Variants in CASD1 observed in about 807,000 individuals in gnomAD.
The protein encoded by CASD1 is CAS1 domain sialic acid O acetyltransferase 1.
Under a neutral mutation model 100.0 loss-of-function variants are expected in CASD1, and 41 were observed. The observed-to-expected ratio is 0.41, with a 90% CI of 0.32 to 0.53. The LOEUF is 0.53. Among genes scored for constraint, CASD1 ranks in the 20% least tolerant of loss-of-function variants. The pLI is 0.25. For synonymous variants in CASD1, 321 were observed against 315.6 expected (o/e 1.02, Z -0.18); for missense variants, 774 against 948.7 (o/e 0.82, Z 2.42).
chr7:94,515,709 A>G (rs1344138355), intron 1 of CASD1, among the ~76,000 whole-genome samples: 2 of 152,222 alleles, frequency 1.3e-5, no homozygotes, highest in African/African-American at 4.8e-5. Flanking sequence ...GACAAAAGGC[A>G]AATAACAACA....
In CASD1 at chr7:94,556,076, A is replaced by G. The variant is rs1181652479; in HGVS notation, c.*318A>G. On this transcript the variant is annotated 3_prime_UTR_variant, in exon 18 of 18. Coordinates refer to ENST00000297273, the MANE Select transcript of CASD1 (RefSeq NM_022900.5). ...AACATATGAAGGCAGGGAAATGATT[A>G]CCTTTCCAGTAAAAAGTATAGATAA... 1.5e-5 allele frequency: 3 copies of G among 199,144 alleles called. No individual in the cohort carries two copies. Among genetic ancestry groups the G allele is most frequent in the East Asian group, 2.4e-4 (2 of 8,310 alleles). 12.3% of individuals were successfully genotyped at this position (199,144 alleles called of 1,614,324 possible).
At chr7:94,587,515 C>T in the CASD1 span, 4 of 1,296,720 alleles carry the variant, frequency 3.1e-6, no homozygotes, top group East Asian at 3.2e-5. Context: ...TAGAAATTTT[C>T]CTTTTAAAAA....
intron 5 of CASD1, among the ~76,000 whole-genome samples, chr7:94,530,476 ATCTATTTTTTAACTACT>A (rs1483057796): frequency 6.6e-6 from 1 of 152,110 alleles, no homozygotes; most frequent in East Asian, 1.9e-4. Flanking sequence ...GATTTATTTT[ATCTATTTTTTAACTACT>A]TCTAAATACT....
chr7:94,600,974 A>G, the CASD1 span: 1 of 855,114 alleles, frequency 1.2e-6, no homozygotes, highest in Non-Finnish European at 1.9e-6. Flanking sequence ...CATCTTTTCC[A>G]ATTACTTTAT....
At chr7:94,613,516 T>G in the CASD1 span, among the ~76,000 whole-genome samples, 1 of 152,200 alleles carries the variant, frequency 6.6e-6, no homozygotes, top group African/African-American at 2.4e-5. Context: ...TTCAAAAGAC[T>G]AGAGACTGGA....
chr7:94,510,891 C>T (rs1286882916), intron 1 of CASD1, among the ~76,000 whole-genome samples: 1 of 152,128 alleles, frequency 6.6e-6, no homozygotes, highest in Admixed American at 6.5e-5. Flanking sequence ...AGTTAAGGCA[C>T]CAGAGCAGAT....
At chr7:94,596,693 G>C in the CASD1 span, among the ~76,000 whole-genome samples, 7 of 152,184 alleles carry the variant, frequency 4.6e-5, no homozygotes, top group East Asian at 1.4e-3. Flanking sequence ...TCTTAAAAGG[G>C]CATGCATTTC....
At chr7:94,599,368 A>T in the CASD1 span, 1 of 314,640 alleles carries the variant, frequency 3.2e-6, no homozygotes, top group East Asian at 6.2e-5. Flanking sequence ...TAGATTCTGG[A>T]AAACTTGTAT....
At chr7:94,578,823 G>C in the CASD1 span, among the ~76,000 whole-genome samples, 1 of 152,140 alleles carries the variant, frequency 6.6e-6, no homozygotes, top group East Asian at 1.9e-4. Context: ...CATTGCCTTT[G>C]GGTCTGTGCC....
At chr7:94,611,153 T>C in the CASD1 span, among the ~76,000 whole-genome samples, 1 of 152,160 alleles carries the variant, frequency 6.6e-6, no homozygotes. Flanking sequence ...AGGGATATAC[T>C]TCAGAAAAAT....
chr7:94,555,485 C>A lies in CASD1; in HGVS notation c.2128-7C>A. Reference sequence around the variant, plus strand: ...TAAATATCTGACTTAAATATTTTTTCTCCTAGCTATTTATTTGCCAGTATC... The same window carrying A: ...TAAATATCTGACTTAAATATTTTTTATCCTAGCTATTTATTTGCCAGTATC... On this transcript the variant is annotated splice_region_variant and splice_polypyrimidine_tract_variant and intron_variant, in intron 17 of 17. Coordinates refer to ENST00000297273, the MANE Select transcript of CASD1 (RefSeq NM_022900.5). 1 of 1,607,136 alleles carries A rather than the reference C, an allele frequency of 6.2e-7. No individual in the cohort carries two copies. Among genetic ancestry groups the A allele is most frequent in the South Asian group, 1.1e-5 (1 of 90,198 alleles).
chr7:94,609,008 G>T, the CASD1 span, among the ~76,000 whole-genome samples: 4 of 152,158 alleles, frequency 2.6e-5, no homozygotes, highest in Non-Finnish European at 4.4e-5. Flanking sequence ...TGGATTTGAT[G>T]ATGATTTTTT....
intron 6 of CASD1, 44 bp from the exon 7 acceptor site, chr7:94,533,635 T>C (rs776829371): frequency 1.4e-6 from 2 of 1,455,426 alleles, no homozygotes; most frequent in Non-Finnish European, 1.9e-6. Context: ...TTTAATTGTT[T>C]GTGATAAATA....
chr7:94,622,064 C>T, the CASD1 span: 1 of 152,088 alleles, frequency 6.6e-6, no homozygotes, highest in African/African-American at 2.4e-5. Context: ...TTTAATTTTA[C>T]AGAAATTCCT....
the CASD1 span, among the ~76,000 whole-genome samples, chr7:94,568,277 C>CA: frequency 3.3e-5 from 5 of 151,796 alleles, no homozygotes; most frequent in African/African-American, 4.8e-5. Context: ...AAGTCAGTTA[C>CA]AAAAAAGATG....
At chr7:94,527,859 C>T (rs1452762623) in intron 4 of CASD1, among the ~76,000 whole-genome samples, 1 of 152,048 alleles carries the variant, frequency 6.6e-6, no homozygotes, top group Non-Finnish European at 1.5e-5. Context: ...AGATTCTGCA[C>T]CTTGTTAACA....
At chr7:94,554,334 T>G (rs934813343) in intron 16 of CASD1, 149 bp from the exon 17 acceptor site, 8 of 549,234 alleles carry the variant, frequency 1.5e-5, no homozygotes, top group Admixed American at 3.2e-5. Context: ...AAAAATAACT[T>G]TCTAATACTT....
chr7:94,533,956 T>C (rs1414820094), intron 7 of CASD1, among the ~76,000 whole-genome samples, 154 bp downstream of exon 7: 4 of 152,110 alleles, frequency 2.6e-5, no homozygotes, highest in Non-Finnish European at 5.9e-5. Flanking sequence ...TTATTTGCTC[T>C]CCTTTTTCAA....
chr7:94,611,780 G>T, the CASD1 span, among the ~76,000 whole-genome samples: 1 of 151,954 alleles, frequency 6.6e-6, no homozygotes, highest in African/African-American at 2.4e-5. Context: ...CTGTGTTCGA[G>T]AATATGTTCA....
Sources: allele counts gnomAD v4.1 joint callset (sites outside exome capture counted in the v4.1 genomes callset), GRCh38; gene constraint gnomAD v4.1.1; transcripts MANE v1.5; gene names NCBI Gene and HGNC (gene_info 2026-07-23, HGNC 2026-07-21).